Variants in LRMDA observed in about 807,000 individuals in gnomAD.
The protein encoded by LRMDA is leucine-rich melanocyte differentiation-associated protein.
Under a neutral mutation model 29.8 loss-of-function variants are expected in LRMDA, and 18 were observed. The ratio of observed to expected loss-of-function variants is 0.60; its 90% CI spans 0.42 to 0.90. The LOEUF is 0.90. LRMDA is among the 40% of genes least tolerant of loss of function. The pLI is 0.00. For synonymous variants in LRMDA, 125 were observed against 109.4 expected, an observed-to-expected ratio of 1.14 and a Z score of -0.89; for missense variants, 273 against 273.9, an observed-to-expected ratio of 1.00 and a Z score of 0.02.
rs574445048 is a variant in LRMDA, at chr10:75,639,844, G to A, written c.131+201350G>A. Among the ~76,000 whole-genome samples the A allele has an allele frequency of 4.6e-5, 7 of 152,342 alleles. No individual in the cohort carries two copies. In the East Asian group the frequency reaches 5.8e-4, roughly 13 times the overall value. On this transcript the variant is annotated intron_variant, in intron 2 of 6. Transcript: ENST00000611255. ...GATTGGCTTTGTCCTGCGCGGCTGC[G>A]CTCGGAGAGCGGACATTAAGATTAA...
intron 2 of LRMDA, among the ~76,000 whole-genome samples, chr10:75,780,667 C>A (rs1377695862): frequency 2.0e-5 from 3 of 152,144 alleles, no homozygotes; most frequent in Admixed American, 2.0e-4. Context: ...GGTTCTGAGG[C>A]CAAACAAGAA....
intron 2 of LRMDA, among the ~76,000 whole-genome samples, chr10:75,700,889 C>A (rs576374621): frequency 6.6e-6 from 1 of 152,014 alleles, no homozygotes; most frequent in African/African-American, 2.4e-5. Context: ...CAGGTGTGTT[C>A]GATTCCAAAG....
intron 6 of LRMDA, among the ~76,000 whole-genome samples, chr10:76,536,792 G>T (rs909997150): frequency 1.3e-5 from 2 of 151,980 alleles, no homozygotes; most frequent in African/African-American, 4.8e-5. Flanking sequence ...CCCTCTAAAG[G>T]CTATGTTCCC....
intron 5 of LRMDA, among the ~76,000 whole-genome samples, chr10:76,150,310 C>T (rs1409383553): frequency 6.6e-6 from 1 of 152,206 alleles, no homozygotes; most frequent in Non-Finnish European, 1.5e-5. Flanking sequence ...GGTGCCTCAT[C>T]TGCTTTGTTT....
intron 4 of LRMDA, among the ~76,000 whole-genome samples, chr10:76,048,216 CTATATG>C (rs1022963889): frequency 9.2e-5 from 14 of 152,054 alleles, no homozygotes; most frequent in African/African-American, 3.4e-4. Flanking sequence ...ATGTCTGTGT[CTATATG>C]TATATGTATG....
intron 2 of LRMDA, among the ~76,000 whole-genome samples, chr10:75,778,415 C>T (rs1352424089): frequency 1.3e-5 from 2 of 152,122 alleles, no homozygotes; most frequent in African/African-American, 4.8e-5. Flanking sequence ...ACTTCTGCCA[C>T]CTTCCCCCTG....
intron 2 of LRMDA, among the ~76,000 whole-genome samples, chr10:75,463,458 G>T (rs997318493): frequency 2.0e-5 from 3 of 151,510 alleles, no homozygotes; most frequent in African/African-American, 7.3e-5. Context: ...AGGAGTCTTT[G>T]GATGCTCGGG....
chr10:75,920,687 A>T (rs1846011738), intron 2 of LRMDA, among the ~76,000 whole-genome samples: 1 of 152,138 alleles, frequency 6.6e-6, no homozygotes, highest in Non-Finnish European at 1.5e-5. Context: ...TGGCTCTCAG[A>T]TTTTCTAGCA....
rs564474548 is a variant in LRMDA, at chr10:75,640,861, C to A, written c.131+202367C>A. ...CCATGCCAGTTTGGTATTTGAGAGT[C>A]TGAGTGGGGGATTCTCAGTTTGGGG... On this transcript the variant is annotated intron_variant, in intron 2 of 6. Transcript: ENST00000611255. 2.0e-5 allele frequency among the ~76,000 whole-genome samples: 3 copies of A among 152,306 alleles called. No homozygotes were observed. In the East Asian group the frequency reaches 5.8e-4, roughly 29 times the overall value.
intron 2 of LRMDA, among the ~76,000 whole-genome samples, chr10:75,774,768 A>G (rs1032025722): frequency 4.6e-5 from 7 of 152,176 alleles, no homozygotes; most frequent in African/African-American, 9.7e-5. Context: ...GTTAAATAAG[A>G]TATTACCACT....
intron 5 of LRMDA, among the ~76,000 whole-genome samples, chr10:76,172,735 A>G (rs147772340): frequency 2.3e-3 from 354 of 152,284 alleles, no homozygotes; most frequent in Non-Finnish European, 2.8e-3. Context: ...ACTACTCAGG[A>G]GAGTATTGTC....
At chr10:75,986,999 T>C (rs1406726876) in intron 2 of LRMDA, among the ~76,000 whole-genome samples, 1 of 152,232 alleles carries the variant, frequency 6.6e-6, no homozygotes, top group Non-Finnish European at 1.5e-5. Context: ...CTTTCTGTCC[T>C]TTTGGCCACA....
intron 5 of LRMDA, among the ~76,000 whole-genome samples, chr10:76,143,354 T>A (rs1197065918): frequency 3.3e-5 from 5 of 152,200 alleles, no homozygotes; most frequent in Non-Finnish European, 7.3e-5. Flanking sequence ...CCAGCACCTG[T>A]TGTTTCCTGA....
chr10:76,260,867 AT>A (rs1307335064), intron 5 of LRMDA: 1 of 152,162 alleles, frequency 6.6e-6, no homozygotes, highest in Non-Finnish European at 1.5e-5. Context: ...TCTCTGTATC[AT>A]TATAATTTGA....
rs78697828 is a variant in LRMDA, at chr10:76,092,721, A to G, written c.516+33938A>G. Among the ~76,000 whole-genome samples, 587 of 152,312 alleles carry G rather than the reference A, an allele frequency of 3.9e-3. 2 individuals are homozygous for G. The highest frequency in any genetic ancestry group is 0.014 in the African/African-American group (567 of 41,574). On this transcript the variant is annotated intron_variant, in intron 5 of 6. Coordinates refer to ENST00000611255, the MANE Select transcript of LRMDA (RefSeq NM_001305581.2). ...TTTTTTTCGGTAGTTGCTGTGATTA[A>G]AAGCAAGTGTGTATGGAATAGGAAA...
At chr10:76,395,734 C>G (rs1302219010) in intron 6 of LRMDA, among the ~76,000 whole-genome samples, 19 of 152,198 alleles carry the variant, frequency 1.2e-4, no homozygotes, top group Admixed American at 1.2e-3. Flanking sequence ...CTCTTTGTAG[C>G]TCTAAATCTA....
At chr10:75,717,564 TG>T (rs1280802410) in intron 2 of LRMDA, among the ~76,000 whole-genome samples, 2 of 152,236 alleles carry the variant, frequency 1.3e-5, no homozygotes, top group Non-Finnish European at 2.9e-5. Flanking sequence ...TGTCCTTCGA[TG>T]TCCTCTTGGT....
chr10:76,110,174 A>T (rs1849554294), intron 5 of LRMDA, among the ~76,000 whole-genome samples: 1 of 152,010 alleles, frequency 6.6e-6, no homozygotes, highest in African/African-American at 2.4e-5. Context: ...GATCTCAGCA[A>T]ATGGCACTGT....
chr10:75,605,216 A>G (rs78374815), intron 2 of LRMDA, among the ~76,000 whole-genome samples: 2,910 of 152,310 alleles, frequency 0.019, 85 homozygotes, highest in African/African-American at 0.066. Context: ...AATTTCTCCA[A>G]GTTTGATTAT....
Sources: gnomAD v4.1 joint callset for allele counts (sites outside exome capture counted in the v4.1 genomes callset) on GRCh38, gnomAD v4.1.1 for gene constraint, MANE v1.5 for transcripts, NCBI Gene and HGNC (gene_info 2026-07-23, HGNC 2026-07-21) for gene names.